The following CTNND2 variants were observed in gnomAD, a reference collection of about 807,000 sequenced individuals.
CTNND2 encodes the protein catenin delta 2.
In CTNND2, 22 loss-of-function variants were observed where a neutral mutation model predicts 144.4. The observed-to-expected ratio is 0.15, with a 90% CI of 0.11 to 0.22. The LOEUF is 0.22. Ranked by LOEUF, CTNND2 falls within the 10% of genes least tolerant of loss-of-function variation. CTNND2 has a pLI of 1.00. For missense variants in CTNND2, 1,353 were observed against 1,618.8 expected (o/e 0.84, Z 2.82); for synonymous variants, 751 against 695.6 (o/e 1.08, Z -1.25).
At chr5:11,009,446 C>G (rs868649123) in intron 18 of CTNND2, among the ~76,000 whole-genome samples, 21 of 152,332 alleles carry the variant, frequency 1.4e-4, no homozygotes, top group Middle Eastern at 3.4e-3. Context: ...ACTGATCACG[C>G]TGTCTCTCAA....
chr5:11,879,377 A>ATATG (rs1735857872), intron 1 of CTNND2, among the ~76,000 whole-genome samples: 1 of 140,998 alleles, frequency 7.1e-6, no homozygotes, highest in Non-Finnish European at 1.6e-5. Flanking sequence ...ACACACACAA[A>ATATG]CATATACATA....
chr5:11,319,801 G>T (rs1018553431), intron 9 of CTNND2, among the ~76,000 whole-genome samples: 6 of 152,184 alleles, frequency 3.9e-5, no homozygotes, highest in Admixed American at 3.3e-4. Context: ...GATTACAGGC[G>T]TGAGCCACTG....
At chr5:11,145,174 T>C (rs1261224932) in intron 12 of CTNND2, among the ~76,000 whole-genome samples, 3 of 152,132 alleles carry the variant, frequency 2.0e-5, no homozygotes, top group African/African-American at 7.2e-5. Context: ...TCTTAACCAT[T>C]TTTAAACGTT....
chr5:11,046,074 C>T (rs551103811), intron 16 of CTNND2, among the ~76,000 whole-genome samples: 261 of 152,180 alleles, frequency 1.7e-3, no homozygotes, highest in Admixed American at 5.2e-3. Flanking sequence ...GCTGCCGGTT[C>T]TGGGTTGAAT....
intron 9 of CTNND2, among the ~76,000 whole-genome samples, chr5:11,325,499 TAATG>T (rs1357090443): frequency 1.3e-5 from 2 of 152,172 alleles, no homozygotes; most frequent in Non-Finnish European, 2.9e-5. Flanking sequence ...ATACATCTCT[TAATG>T]AGTGGAGACA....
intron 2 of CTNND2, among the ~76,000 whole-genome samples, chr5:11,683,766 T>C (rs1261091951): frequency 6.6e-6 from 1 of 152,268 alleles, no homozygotes; most frequent in Admixed American, 6.5e-5. Context: ...AAACCTCTGT[T>C]GACACCCTAT....
intron 18 of CTNND2, among the ~76,000 whole-genome samples, chr5:10,993,895 T>TA (rs1260635883): frequency 6.6e-6 from 1 of 152,034 alleles, no homozygotes. Context: ...TGATTTTTGA[T>TA]AGAGTTTTGA....
At chr5:11,061,366 G>A (rs1378594944) in intron 16 of CTNND2, among the ~76,000 whole-genome samples, 1 of 152,152 alleles carries the variant, frequency 6.6e-6, no homozygotes, top group Non-Finnish European at 1.5e-5. Context: ...GCTTTCATGA[G>A]CCAAAACTCT....
intron 3 of CTNND2, among the ~76,000 whole-genome samples, chr5:11,530,060 T>C (rs552706364): frequency 6.7e-6 from 1 of 150,184 alleles, no homozygotes; most frequent in South Asian, 2.2e-4. Context: ...AATGTTCCAA[T>C]GGAATTGGCA....
rs377376286 is a variant in CTNND2 at position 11,014,396 on chromosome 5, A to G, written c.3084+3578T>C. Among the ~76,000 whole-genome samples, 361 of 152,296 alleles carry G rather than the reference A, an allele frequency of 2.4e-3. 4 individuals are homozygous for G. Among genetic ancestry groups the G allele is most frequent in the African/African-American group, 8.4e-3 (348 of 41,564 alleles). Reference sequence around the variant, plus strand: ...GACATCCAGTCTCTTCCCATGGCACATCGTCTTTTCCTTTAGAAAATATCC... The same window carrying G: ...GACATCCAGTCTCTTCCCATGGCACGTCGTCTTTTCCTTTAGAAAATATCC... On this transcript the variant is annotated intron_variant, in intron 18 of 21. Coordinates refer to ENST00000304623, the MANE Select transcript of CTNND2 (RefSeq NM_001332.4).
chr5:11,055,200 A>G (rs1319961199), intron 16 of CTNND2, among the ~76,000 whole-genome samples: 3 of 152,250 alleles, frequency 2.0e-5, no homozygotes, highest in Non-Finnish European at 4.4e-5. Flanking sequence ...CAGGCTACCT[A>G]AACAAGTTGT....
chr5:11,265,635 C>T (rs1745355861), intron 9 of CTNND2, among the ~76,000 whole-genome samples: 1 of 150,482 alleles, frequency 6.6e-6, no homozygotes, highest in South Asian at 2.1e-4. Context: ...GCTCAGAAGA[C>T]ATATAGCATT....
chr5:11,411,695 ATTATTC>A, intron 4 of CTNND2, 43 bp from the exon 5 acceptor site: 1 of 1,152,976 alleles, frequency 8.7e-7, no homozygotes, highest in Non-Finnish European at 1.3e-6. Flanking sequence ...CACATGGTAT[ATTATTC>A]TTAAAGATTT....
intron 10 of CTNND2, among the ~76,000 whole-genome samples, chr5:11,203,915 A>C (rs1737774293): frequency 6.6e-6 from 1 of 152,192 alleles, no homozygotes. Context: ...CCTGGACCTA[A>C]TAGAATTGGA....
chr5:11,000,861 G>T (rs898008975), intron 18 of CTNND2, among the ~76,000 whole-genome samples: 1 of 152,154 alleles, frequency 6.6e-6, no homozygotes, highest in African/African-American at 2.4e-5. Context: ...TCCGGGTAGG[G>T]CCTGGGTATC....
chr5:11,832,792 T>C (rs1336374140), intron 1 of CTNND2, among the ~76,000 whole-genome samples: 1 of 151,834 alleles, frequency 6.6e-6, no homozygotes, highest in Non-Finnish European at 1.5e-5. Context: ...AATAGGAAAA[T>C]TAGTGGGTCA....
intron 2 of CTNND2, among the ~76,000 whole-genome samples, chr5:11,617,233 G>T (rs1780622047): frequency 6.6e-6 from 1 of 152,050 alleles, no homozygotes; most frequent in South Asian, 2.1e-4. Context: ...TCTATCTTGG[G>T]TTACGACACT....
intron 3 of CTNND2, among the ~76,000 whole-genome samples, chr5:11,539,545 C>T (rs149458186): frequency 2.6e-5 from 4 of 152,324 alleles, no homozygotes; most frequent in Non-Finnish European, 4.4e-5. Context: ...ACCATTAATA[C>T]GGGTCCATGT....
chr5:11,119,831 G>A (rs1254466688), intron 12 of CTNND2, among the ~76,000 whole-genome samples: 1 of 152,052 alleles, frequency 6.6e-6, no homozygotes, highest in African/African-American at 2.4e-5. Context: ...ACCCTGATCT[G>A]AAAAAAACCC....
Sources: allele counts gnomAD v4.1 joint callset (sites outside exome capture counted in the v4.1 genomes callset), GRCh38; gene constraint gnomAD v4.1.1; transcripts MANE v1.5; gene names NCBI Gene and HGNC (gene_info 2026-07-23, HGNC 2026-07-21).